Variants in WWP1 observed in about 807,000 individuals in gnomAD.
WWP1 encodes the protein WW domain containing E3 ubiquitin protein ligase 1, also known as NEDD4-like E3 ubiquitin-protein ligase WWP1.
WWP1 carries 49 observed loss-of-function variants against 130.6 expected under a neutral mutation model. The observed-to-expected ratio is 0.38, with a 90% CI of 0.30 to 0.48. The LOEUF (loss-of-function observed/expected upper bound fraction) is 0.48. Among genes scored for constraint, WWP1 ranks in the 20% least tolerant of loss-of-function variants. WWP1 has a pLI of 0.99. For synonymous variants in WWP1, 332 were observed against 367.8 expected, an observed-to-expected ratio of 0.90 and a Z score of 1.11; for missense variants, 809 against 1,100.6, an observed-to-expected ratio of 0.74 and a Z score of 3.75.
At chr8:86,405,831 A>C (rs181755767) in intron 8 of WWP1, among the ~76,000 whole-genome samples, 6 of 138,756 alleles carry the variant, frequency 4.3e-5, no homozygotes, top group Admixed American at 1.4e-4. Flanking sequence ...CATGTTGTCC[A>C]CTGCTACCTT....
At chr8:86,395,021 C>G (rs1807577333) in intron 5 of WWP1, among the ~76,000 whole-genome samples, 1 of 150,158 alleles carries the variant, frequency 6.7e-6, no homozygotes, top group Admixed American at 6.6e-5. Context: ...GTCTGCCATA[C>G]CAATAGCAGA....
At chr8:86,355,613 C>T (rs954983673) in intron 1 of WWP1, among the ~76,000 whole-genome samples, 2 of 152,188 alleles carry the variant, frequency 1.3e-5, no homozygotes, top group Non-Finnish European at 2.9e-5. Context: ...GTCCTGAATG[C>T]TTTCCCAGAA....
Position 86,364,806 on chromosome 8 carries a change from CGAAAGAAA to C in WWP1, c.-114-4110_-114-4103del, listed in dbSNP as rs60630138. 7.3e-3 allele frequency among the ~76,000 whole-genome samples: 992 copies of C among 135,824 alleles called. 7 individuals carry two copies. Among genetic ancestry groups the C allele is most frequent in the Non-Finnish European group, 0.011 (754 of 66,068 alleles). 89.1% of individuals were successfully genotyped at this position (135,824 alleles called of 152,430 possible). On this transcript the variant is annotated intron_variant, in intron 1 of 24. Coordinates refer to ENST00000517970, the MANE Select transcript of WWP1 (RefSeq NM_007013.4). ...GGGCGACAAAAGTGAGACCCTGCCT[CGAAAGAAA>C]GAAAGAAAGAAAGAAAGAAAGAGAG...
At chr8:86,376,212 A>C (rs1290290721) in intron 3 of WWP1, among the ~76,000 whole-genome samples, 1 of 152,242 alleles carries the variant, frequency 6.6e-6, no homozygotes, top group Non-Finnish European at 1.5e-5. Flanking sequence ...ACCAATGGAC[A>C]GTACACCTGA....
At chr8:86,445,785 C>G (rs532478923) in intron 18 of WWP1, among the ~76,000 whole-genome samples, 1 of 152,054 alleles carries the variant, frequency 6.6e-6, no homozygotes, top group Admixed American at 6.6e-5. Context: ...AAGTATATGT[C>G]TCTTTTTTTT....
Position 86,342,620 on chromosome 8 carries a change from G to C in WWP1, c.-425G>C, listed in dbSNP as rs1822249512. 5.0e-6 allele frequency: 1 copy of C among 199,412 alleles called. No homozygotes were observed. The highest frequency in any genetic ancestry group is 6.1e-5 in the Admixed American group (1 of 16,460). The allele number at this position is 199,412 out of a possible 1,614,324, so 12.4% of individuals were successfully genotyped here. On this transcript the variant is annotated 5_prime_UTR_variant, in exon 1 of 25. Coordinates refer to ENST00000517970, the MANE Select transcript of WWP1 (RefSeq NM_007013.4). ...GGTGCCGGGGCCGGCGGGGAGGCGC[G>C]CGCTTAGGGCGCGGCGCCGGCGACG...
In WWP1 at chr8:86,438,624, T is replaced by C. The variant is rs780667679; in HGVS notation, c.1789T>C (p.Tyr597His). 1.9e-6 allele frequency: 3 copies of C among 1,608,510 alleles called. No homozygotes were observed. Among genetic ancestry groups the C allele is most frequent in the South Asian group, 2.2e-5 (2 of 89,470 alleles). Reference protein sequence around the residue: ...LKPYDLRRRLYVIFRGEEGLD... With the variant: ...LKPYDLRRRLHVIFRGEEGLD... ...ACCCTATGACTTGAGGAGGCGCTTA[T>C]ATGTAATATTTAGAGGAGAAGAAGG... is the stretch of plus-strand genomic sequence containing the variant. The change falls in exon 17 of 25, where the codon TAT becomes CAT. Residue 597 changes from tyrosine (Y) to histidine (H), a missense_variant. Physicochemically the swap from Tyr to His is moderately conservative, Grantham distance 83 (BLOSUM62 2). Transcript: ENST00000517970.
chr8:86,387,529 C>T (rs996744764), intron 5 of WWP1, among the ~76,000 whole-genome samples: 53 of 150,676 alleles, frequency 3.5e-4, no homozygotes, highest in Non-Finnish European at 6.2e-4. Flanking sequence ...TTATTTTTTT[C>T]CTTGAGACAG....
intron 17 of WWP1, among the ~76,000 whole-genome samples, chr8:86,439,115 G>A (rs1038171915): frequency 2.6e-4 from 29 of 110,946 alleles, no homozygotes; most frequent in African/African-American, 7.3e-4. Context: ...AGGCCAAGGC[G>A]GGTGGATCAT....
intron 18 of WWP1, among the ~76,000 whole-genome samples, chr8:86,446,341 T>G (rs552391999): frequency 2.0e-5 from 3 of 151,524 alleles, no homozygotes; most frequent in South Asian, 4.2e-4. Context: ...TTTTAATGGG[T>G]TTTTTTTTCT....
At chr8:86,415,082 G>T (rs1024038355) in intron 9 of WWP1, among the ~76,000 whole-genome samples, 23 of 152,142 alleles carry the variant, frequency 1.5e-4, no homozygotes, top group African/African-American at 5.3e-4. Context: ...TTCCAGAACT[G>T]AAGAAGAATA....
chr8:86,400,102 G>A (rs1203317769), intron 7 of WWP1, among the ~76,000 whole-genome samples: 3 of 152,000 alleles, frequency 2.0e-5, no homozygotes, highest in Non-Finnish European at 2.9e-5. Flanking sequence ...AGGCCGAAGC[G>A]GGCAGATCAT....
chr8:86,405,428 A>G (rs967224276), intron 8 of WWP1, among the ~76,000 whole-genome samples: 1 of 150,314 alleles, frequency 6.7e-6, no homozygotes, highest in African/African-American at 2.5e-5. Flanking sequence ...TACTGTGCAT[A>G]TCTCTACATT....
chr8:86,376,314 A>G (rs1824646242), intron 3 of WWP1, among the ~76,000 whole-genome samples: 1 of 152,216 alleles, frequency 6.6e-6, no homozygotes, highest in Non-Finnish European at 1.5e-5. Flanking sequence ...CATGCCTGTA[A>G]TCCCAGCACT....
At chr8:86,422,690 A>G (rs1027001390) in intron 9 of WWP1, among the ~76,000 whole-genome samples, 1 of 152,100 alleles carries the variant, frequency 6.6e-6, no homozygotes, top group Non-Finnish European at 1.5e-5. Context: ...TTTTATTTTT[A>G]AAAATTATTC....
In WWP1 at chr8:86,381,522, C is replaced by A. The variant is rs1402129148; in HGVS notation, c.227C>A (p.Thr76Asn). 2.5e-6 allele frequency: 4 copies of A among 1,608,406 alleles called. No homozygotes were observed. Among genetic ancestry groups the A allele is most frequent in the Non-Finnish European group, 3.4e-6 (4 of 1,178,824 alleles). Residue 76 changes from threonine to asparagine, a missense_variant, in exon 5 of 25, where the codon ACT becomes AAT. Transcript: ENST00000517970. The stretch of plus-strand genomic sequence containing the variant: ...CCTTCCAGAAATGTTACGCCACAGA[C>A]TACATTGGAATTTCAAGTTTGGAGC... The part of the protein sequence containing the change: ...EQLTVNVTPQ[T>N]TLEFQVWSHR...
chr8:86,367,373 C>A (rs145673491), intron 1 of WWP1, among the ~76,000 whole-genome samples: 2 of 152,282 alleles, frequency 1.3e-5, no homozygotes, highest in Non-Finnish European at 2.9e-5. Flanking sequence ...CAGATCTATT[C>A]TAATTGGATT....
At chr8:86,428,546 T>C (rs1373383110) in intron 11 of WWP1, among the ~76,000 whole-genome samples, 9 of 152,072 alleles carry the variant, frequency 5.9e-5, no homozygotes. Flanking sequence ...AGAAAGAAAA[T>C]GTAAGTAACT....
chr8:86,361,324 G>A (rs1029997438), intron 1 of WWP1, among the ~76,000 whole-genome samples: 1 of 152,146 alleles, frequency 6.6e-6, no homozygotes, highest in African/African-American at 2.4e-5. Context: ...CTGCATCTCA[G>A]TAGTCCACCA....
Sources: gnomAD v4.1 joint callset for allele counts (sites outside exome capture counted in the v4.1 genomes callset) on GRCh38, gnomAD v4.1.1 for gene constraint, MANE v1.5 for transcripts, NCBI Gene and HGNC (gene_info 2026-07-23, HGNC 2026-07-21) for gene names.